Variants in BZW2 observed in about 807,000 individuals in gnomAD.
BZW2 encodes the protein eIF5-mimic protein 1.
In BZW2, 23 loss-of-function variants were observed where a neutral mutation model predicts 53.2. The ratio of observed to expected loss-of-function variants is 0.43; its 90% CI spans 0.31 to 0.61. The LOEUF is 0.61. Ranked by LOEUF, BZW2 falls within the 20% of genes least tolerant of loss-of-function variation. BZW2 has a pLI of 0.09. For synonymous variants in BZW2, 227 were observed against 186.4 expected, an observed-to-expected ratio of 1.22 and a Z score of -1.77; for missense variants, 409 against 503.1, an observed-to-expected ratio of 0.81 and a Z score of 1.79.
At chr7:16,705,786 A>G (rs930134714) in intron 11 of BZW2, among the ~76,000 whole-genome samples, 4 of 149,548 alleles carry the variant, frequency 2.7e-5, no homozygotes, top group African/African-American at 9.8e-5. Context: ...TATATAATTT[A>G]TATGTATAAA....
At chr7:16,681,509 T>A in intron 4 of BZW2, 105 bp downstream of exon 4, 1 of 942,992 alleles carries the variant, frequency 1.1e-6, no homozygotes, top group Non-Finnish European at 1.6e-6. Context: ...AGAAAGCCTT[T>A]AAACTTATGA....
intron 10 of BZW2, among the ~76,000 whole-genome samples, chr7:16,698,871 A>C (rs763245753): frequency 6.6e-6 from 1 of 152,230 alleles, no homozygotes; most frequent in Non-Finnish European, 1.5e-5. Context: ...GAAGTGGTAC[A>C]TTTTGAACAT....
chr7:16,666,677 T>G (rs567036066), intron 2 of BZW2, among the ~76,000 whole-genome samples: 1 of 152,218 alleles, frequency 6.6e-6, no homozygotes, highest in South Asian at 2.1e-4. Context: ...ATTAGTGGCT[T>G]ATTTATTTTT....
At chr7:16,663,389 AC>A (rs1782324898) in intron 1 of BZW2, among the ~76,000 whole-genome samples, 1 of 152,058 alleles carries the variant, frequency 6.6e-6, no homozygotes, top group African/African-American at 2.4e-5. Flanking sequence ...AGTTCATTTT[AC>A]TTTATAGGGT....
intron 7 of BZW2, 27 bp downstream of exon 7, chr7:16,689,933 T>C: frequency 6.4e-7 from 1 of 1,564,318 alleles, no homozygotes; most frequent in East Asian, 2.3e-5. Context: ...TAAAGAGTTG[T>C]ATGTATGATG....
chr7:16,697,615 C>T (rs1308631748), intron 9 of BZW2, among the ~76,000 whole-genome samples: 1 of 152,178 alleles, frequency 6.6e-6, no homozygotes, highest in Non-Finnish European at 1.5e-5. Flanking sequence ...GCCTCAGTGT[C>T]AGAAAGTCAA....
intron 1 of BZW2, among the ~76,000 whole-genome samples, chr7:16,661,622 T>C (rs1782263399): frequency 6.6e-6 from 1 of 152,208 alleles, no homozygotes. Context: ...ATCAAGTTTC[T>C]AAATATTTGA....
intron 1 of BZW2, among the ~76,000 whole-genome samples, chr7:16,647,880 T>C (rs1276410529): frequency 1.3e-5 from 2 of 152,240 alleles, no homozygotes; most frequent in African/African-American, 4.8e-5. Flanking sequence ...GTGCCAAATC[T>C]GGGCCATGGT....
intron 2 of BZW2, among the ~76,000 whole-genome samples, chr7:16,670,495 T>C (rs1452300955): frequency 6.6e-6 from 1 of 152,172 alleles, no homozygotes; most frequent in African/African-American, 2.4e-5. Flanking sequence ...GGGAATGACT[T>C]TATTTGATTT....
At chr7:16,647,489 A>C (rs1030981741) in intron 1 of BZW2, among the ~76,000 whole-genome samples, 1 of 152,242 alleles carries the variant, frequency 6.6e-6, no homozygotes, top group Non-Finnish European at 1.5e-5. Flanking sequence ...TGCCTTTAGC[A>C]AAAATCTTTC....
intron 11 of BZW2, 73 bp from the exon 12 acceptor site, chr7:16,705,987 G>C: frequency 1.3e-6 from 2 of 1,563,674 alleles, no homozygotes; most frequent in Non-Finnish European, 1.8e-6. Flanking sequence ...TTCTGGGTTG[G>C]TGACTGTAGT....
intron 7 of BZW2, 47 bp from the exon 8 acceptor site, chr7:16,694,787 G>C (rs762640009): frequency 7.1e-7 from 1 of 1,414,444 alleles, no homozygotes; most frequent in Admixed American, 2.1e-5. Context: ...TATGCTTGCT[G>C]AAATTTGAAT....
chr7:16,685,772 A>G, intron 5 of BZW2, 133 bp from the exon 6 acceptor site: 4 of 1,129,230 alleles, frequency 3.5e-6, no homozygotes, highest in Middle Eastern at 3.1e-4. Context: ...TTTGCATATG[A>G]CCTTCTGTTT....
intron 2 of BZW2, among the ~76,000 whole-genome samples, chr7:16,669,449 A>T (rs1782535511): frequency 6.6e-6 from 1 of 152,198 alleles, no homozygotes; most frequent in Admixed American, 6.5e-5. Flanking sequence ...GTTTTAAATC[A>T]CTTTTAGCTT....
At chr7:16,697,495 G>A (rs1019070191) in intron 9 of BZW2, among the ~76,000 whole-genome samples, 8 of 152,126 alleles carry the variant, frequency 5.3e-5, no homozygotes, top group African/African-American at 1.2e-4. Context: ...TGCACCCAGC[G>A]TTCATGAGAA....
intron 1 of BZW2, among the ~76,000 whole-genome samples, chr7:16,664,284 C>A (rs892232911): frequency 1.3e-5 from 2 of 152,106 alleles, no homozygotes; most frequent in Admixed American, 1.3e-4. Context: ...GGTATAGACC[C>A]CAGACAAAGA....
chr7:16,695,051 G>T (rs1783436405), intron 8 of BZW2, 47 bp downstream of exon 8: 1 of 1,467,866 alleles, frequency 6.8e-7, no homozygotes, highest in Admixed American at 2.0e-5. Context: ...TGAATGAGAG[G>T]AATTACATGG....
intron 8 of BZW2, chr7:16,695,937 A>T (rs1783469478): frequency 6.6e-6 from 1 of 152,200 alleles, no homozygotes; most frequent in Non-Finnish European, 1.5e-5. Context: ...TTCCATGGGG[A>T]AAAGAAGCAA....
chr7:16,686,035 A>C lies in BZW2; in HGVS notation c.536A>C (p.Lys179Thr). Residue 179 changes from lysine to threonine, a missense_variant, in exon 6 of 12, where the codon AAA becomes ACA. By Grantham distance (78) the Lys-to-Thr change is moderately conservative. This residue lies in a region of BZW2 where 316 missense variants were observed against 366.8 expected (regional missense o/e 0.86). Coordinates refer to ENST00000258761, the MANE Select transcript of BZW2 (RefSeq NM_014038.3). ...LTSLFTDSLV[K>T]EGIAASFAVK... is the part of the protein sequence containing the mutation. ...AGTCTCTTCACCGACAGCTTAGTCAAAGAAGGTAACGAGGCTCCTGTTTTC... is the reference window on the plus strand; with the variant it reads ...AGTCTCTTCACCGACAGCTTAGTCACAGAAGGTAACGAGGCTCCTGTTTTC... 6.2e-7 allele frequency: 1 copy of C among 1,612,270 alleles called. No homozygotes were observed. Among genetic ancestry groups the C allele is most frequent in the Non-Finnish European group, 8.5e-7 (1 of 1,179,414 alleles).
Sources: allele counts gnomAD v4.1 joint callset (sites outside exome capture counted in the v4.1 genomes callset), GRCh38; gene constraint gnomAD v4.1.1; regional missense constraint gnomAD v4.1.1; transcripts MANE v1.5; gene names NCBI Gene and HGNC (gene_info 2026-07-23, HGNC 2026-07-21).